The following CD1B variants were observed in gnomAD, a reference collection of about 807,000 sequenced individuals.
CD1B encodes the protein T-cell surface glycoprotein CD1b.
Under a neutral mutation model 39.8 loss-of-function variants are expected in CD1B, and 43 were observed. That is an observed-to-expected ratio of 1.08 (90% confidence interval 0.85 to 1.39). The LOEUF (loss-of-function observed/expected upper bound fraction) is 1.39, where lower values mean the gene tolerates loss of function less well. Ranked by LOEUF, CD1B falls within the 40% of genes most tolerant of loss-of-function variation. The pLI is 0.00. For synonymous variants in CD1B, 192 were observed against 152.5 expected (o/e 1.26, Z -1.91); for missense variants, 495 against 403.8 (o/e 1.23, Z -1.94).
chr1:158,322,457 C>T, the CD1B span, among the ~76,000 whole-genome samples: 42 of 141,392 alleles, frequency 3.0e-4, no homozygotes, highest in East Asian at 1.6e-3. Flanking sequence ...TCGTAAGATG[C>T]GGTTTTGCCA....
At chr1:158,300,833 A>T in the CD1B span, among the ~76,000 whole-genome samples, 1 of 144,244 alleles carries the variant, frequency 6.9e-6, no homozygotes, top group Non-Finnish European at 1.5e-5. Flanking sequence ...ATCTCAGCTC[A>T]CTGCAAGCTC....
chr1:158,307,090 C>A, the CD1B span, among the ~76,000 whole-genome samples: 2 of 152,154 alleles, frequency 1.3e-5, no homozygotes, highest in Non-Finnish European at 2.9e-5. Context: ...CAGAGCTGAA[C>A]TGAAGGAAAT....
chr1:158,294,518 G>T, the CD1B span, among the ~76,000 whole-genome samples: 1 of 152,170 alleles, frequency 6.6e-6, no homozygotes, highest in East Asian at 1.9e-4. Flanking sequence ...ATTTTAAATA[G>T]ATTTTATTGA....
chr1:158,328,731 A>G (rs567652516), intron 5 of CD1B, among the ~76,000 whole-genome samples, 190 bp downstream of exon 5: 1 of 152,326 alleles, frequency 6.6e-6, no homozygotes, highest in South Asian at 2.1e-4. Flanking sequence ...TAAAGATGGT[A>G]AACCTTATGT....
At chr1:158,287,650 C>T in the CD1B span, among the ~76,000 whole-genome samples, 1 of 152,072 alleles carries the variant, frequency 6.6e-6, no homozygotes, top group Non-Finnish European at 1.5e-5. Flanking sequence ...CCATTAGATC[C>T]ATCTATCTCA....
chr1:158,289,456 T>A, the CD1B span, among the ~76,000 whole-genome samples: 1 of 152,148 alleles, frequency 6.6e-6, no homozygotes, highest in African/African-American at 2.4e-5. Flanking sequence ...TGCAGGGAAA[T>A]CTTGGAAGAT....
chr1:158,299,665 C>A, the CD1B span, among the ~76,000 whole-genome samples: 3 of 152,148 alleles, frequency 2.0e-5, no homozygotes, highest in African/African-American at 7.2e-5. Flanking sequence ...AATTTCAGAG[C>A]CTGTTATTGG....
At chr1:158,319,973 C>T in the CD1B span, among the ~76,000 whole-genome samples, 38 of 152,256 alleles carry the variant, frequency 2.5e-4, no homozygotes, top group South Asian at 3.5e-3. Flanking sequence ...TTAGGCTGCT[C>T]GGGAGTCAGG....
the CD1B span, among the ~76,000 whole-genome samples, chr1:158,308,084 C>G: frequency 1.3e-5 from 2 of 152,136 alleles, no homozygotes; most frequent in East Asian, 3.8e-4. Context: ...ATCTAGAAAA[C>G]CCCATCGTCT....
At chr1:158,290,157 A>G in the CD1B span, 11 of 1,600,970 alleles carry the variant, frequency 6.9e-6, no homozygotes, top group Non-Finnish European at 9.4e-6. Flanking sequence ...GCAAGGTTAC[A>G]TGTATCTGGG....
At chr1:158,289,135 T>C in the CD1B span, among the ~76,000 whole-genome samples, 8 of 152,226 alleles carry the variant, frequency 5.3e-5, no homozygotes, top group Non-Finnish European at 8.8e-5. Flanking sequence ...CTAGAGAATA[T>C]AGTTCTAAGT....
the CD1B span, chr1:158,291,535 A>T: frequency 1.1e-6 from 1 of 875,060 alleles, no homozygotes; most frequent in Non-Finnish European, 1.7e-6. Context: ...CTTTTAAGGG[A>T]TATTCCTGAT....
chr1:158,309,315 T>G, the CD1B span, among the ~76,000 whole-genome samples: 1 of 152,096 alleles, frequency 6.6e-6, no homozygotes, highest in Non-Finnish European at 1.5e-5. Flanking sequence ...TGGCGATCAT[T>G]AAAAGGTCAG....
chr1:158,329,134 C>G (rs1435769470), intron 4 of CD1B, 120 bp from the exon 5 acceptor site: 1 of 982,662 alleles, frequency 1.0e-6, no homozygotes, highest in African/African-American at 1.6e-5. Flanking sequence ...TCTCATATTC[C>G]TGGCCACCAT....
the CD1B span, among the ~76,000 whole-genome samples, chr1:158,317,176 T>C: frequency 2.6e-5 from 4 of 152,006 alleles, no homozygotes; most frequent in Non-Finnish European, 5.9e-5. Flanking sequence ...GCTGGCCTCA[T>C]AAAATGAGTT....
At chr1:158,297,246 G>C in the CD1B span, among the ~76,000 whole-genome samples, 1 of 152,166 alleles carries the variant, frequency 6.6e-6, no homozygotes, top group African/African-American at 2.4e-5. Flanking sequence ...CAAGCTAACA[G>C]CATACCTTTC....
the CD1B span, chr1:158,293,389 T>C: frequency 6.3e-7 from 1 of 1,595,082 alleles, no homozygotes; most frequent in Non-Finnish European, 8.6e-7. Context: ...TATTGACTAC[T>C]CCACCTTATC....
At chr1:158,315,654 T>G in the CD1B span, among the ~76,000 whole-genome samples, 1 of 151,232 alleles carries the variant, frequency 6.6e-6, no homozygotes, top group Non-Finnish European at 1.5e-5. Flanking sequence ...AGAAGCTCTT[T>G]AGTTTAATTA....
intron 4 of CD1B, 42 bp from the exon 5 acceptor site, chr1:158,329,056 T>C (rs777693114): frequency 6.7e-7 from 1 of 1,498,500 alleles, no homozygotes; most frequent in South Asian, 1.2e-5. Context: ...CTTCAGATAC[T>C]ATACACAGAA....
Sources: gnomAD v4.1 joint callset for allele counts (sites outside exome capture counted in the v4.1 genomes callset) on GRCh38, gnomAD v4.1.1 for gene constraint, MANE v1.5 for transcripts, NCBI Gene and HGNC (gene_info 2026-07-23, HGNC 2026-07-21) for gene names.